GRM5: variants seen among roughly 807,000 people sequenced by gnomAD.
GRM5 encodes the protein metabotropic glutamate receptor 5.
Under a neutral mutation model 83.1 loss-of-function variants are expected in GRM5, and 19 were observed. That is an observed-to-expected ratio of 0.23 (90% confidence interval 0.16 to 0.34). The LOEUF (loss-of-function observed/expected upper bound fraction) is 0.34. GRM5 is among the 10% of genes least tolerant of loss of function. The pLI is 1.00. For missense variants in GRM5, 1,160 were observed against 1,588.3 expected (o/e 0.73, Z 4.58); for synonymous variants, 675 against 633.6 (o/e 1.07, Z -0.98).
At chr11:88,512,111 G>A (rs1239226809) in intron 9 of GRM5, 1 of 153,396 alleles carries the variant, frequency 6.5e-6, no homozygotes, top group Non-Finnish European at 1.5e-5. Flanking sequence ...AACAGTCTTT[G>A]GAATCACCTG....
chr11:88,555,359 G>A (rs532456643), intron 8 of GRM5, among the ~76,000 whole-genome samples: 1 of 152,216 alleles, frequency 6.6e-6, no homozygotes, highest in South Asian at 2.1e-4. Flanking sequence ...TAAAATAGTA[G>A]TACGCAAAAC....
At chr11:88,713,253 G>C (rs992220908) in intron 3 of GRM5, among the ~76,000 whole-genome samples, 2 of 152,036 alleles carry the variant, frequency 1.3e-5, no homozygotes, top group Non-Finnish European at 2.9e-5. Context: ...AAAATTTGCT[G>C]TTTCCTAGGG....
chr11:88,698,308 T>G (rs1940947919), intron 3 of GRM5, among the ~76,000 whole-genome samples: 1 of 152,196 alleles, frequency 6.6e-6, no homozygotes, highest in Admixed American at 6.6e-5. Context: ...TAACCTTCTT[T>G]TTATTCTTTA....
At chr11:88,849,629 T>G (rs919237555) in intron 3 of GRM5, among the ~76,000 whole-genome samples, 1 of 152,190 alleles carries the variant, frequency 6.6e-6, no homozygotes, top group Non-Finnish European at 1.5e-5. Context: ...TACTCAAGCA[T>G]ATAAAAATCC....
chr11:88,735,866 G>A (rs897033263), intron 3 of GRM5, among the ~76,000 whole-genome samples: 2 of 152,040 alleles, frequency 1.3e-5, no homozygotes, highest in African/African-American at 4.8e-5. Context: ...CCAAGATCAT[G>A]AAGTGGTGTA....
intron 3 of GRM5, among the ~76,000 whole-genome samples, chr11:88,775,086 G>A (rs1267729988): frequency 1.3e-5 from 2 of 152,052 alleles, no homozygotes; most frequent in Non-Finnish European, 2.9e-5. Flanking sequence ...TTTTTTGGTT[G>A]GTAGGCTATT....
chr11:88,842,293 GA>G (rs1455255157), intron 3 of GRM5, among the ~76,000 whole-genome samples: 1 of 152,038 alleles, frequency 6.6e-6, no homozygotes, highest in South Asian at 2.1e-4. Context: ...CCTATCAACT[GA>G]AAAAAATATG....
intron 9 of GRM5, among the ~76,000 whole-genome samples, chr11:88,515,654 A>T (rs2135087337): frequency 6.6e-6 from 1 of 152,348 alleles, no homozygotes; most frequent in South Asian, 2.1e-4. Flanking sequence ...CTGACATTTA[A>T]GTTCTAGGTC....
intron 7 of GRM5, among the ~76,000 whole-genome samples, chr11:88,575,994 G>A (rs753037030): frequency 3.9e-5 from 6 of 152,048 alleles, no homozygotes; most frequent in Non-Finnish European, 5.9e-5. Flanking sequence ...CATAAAGAAT[G>A]ATTTAATAGT....
At chr11:88,650,080 G>T (rs748624200) in intron 4 of GRM5, among the ~76,000 whole-genome samples, 1 of 150,982 alleles carries the variant, frequency 6.6e-6, no homozygotes, top group Non-Finnish European at 1.5e-5. Flanking sequence ...GGACTCAGTT[G>T]GTAATTTCTG....
At chr11:88,535,780 G>A (rs978625819) in intron 8 of GRM5, among the ~76,000 whole-genome samples, 2 of 152,122 alleles carry the variant, frequency 1.3e-5, no homozygotes, top group Admixed American at 1.3e-4. Context: ...ACACATGTGT[G>A]TGAGTGTATA....
At chr11:88,700,218 C>T (rs1940997148) in intron 3 of GRM5, among the ~76,000 whole-genome samples, 1 of 151,962 alleles carries the variant, frequency 6.6e-6, no homozygotes, top group Non-Finnish European at 1.5e-5. Flanking sequence ...TGGGAGTGGC[C>T]AGGGTATGAA....
At chr11:88,861,933 C>G (rs1392142836) in intron 2 of GRM5, among the ~76,000 whole-genome samples, 3 of 152,148 alleles carry the variant, frequency 2.0e-5, no homozygotes, top group Non-Finnish European at 4.4e-5. Flanking sequence ...TAATTACCCT[C>G]TTTATCTCAA....
chr11:88,614,505 T>C (rs563069289), intron 4 of GRM5, among the ~76,000 whole-genome samples: 1 of 152,130 alleles, frequency 6.6e-6, no homozygotes, highest in African/African-American at 2.4e-5. Flanking sequence ...AGTCACTATT[T>C]AGCTTTTTTT....
At chr11:89,058,364 T>C (rs1456629077) in intron 1 of GRM5, among the ~76,000 whole-genome samples, 3 of 152,190 alleles carry the variant, frequency 2.0e-5, no homozygotes, top group African/African-American at 7.2e-5. Context: ...TTCTGTTCAC[T>C]AGACGACAAT....
chr11:88,762,597 C>G (rs561489835), intron 3 of GRM5, among the ~76,000 whole-genome samples: 13 of 152,008 alleles, frequency 8.6e-5, no homozygotes, highest in African/African-American at 3.1e-4. Flanking sequence ...TAAACTAGTT[C>G]AACTATTGTG....
At position 88,553,105 on chromosome 11, in the gene GRM5, C is replaced by T. The variant is rs556634217; in HGVS notation, c.2630+13948G>A. On this transcript the variant is annotated intron_variant, in intron 8 of 9. Coordinates refer to ENST00000305447, the MANE Select transcript of GRM5 (RefSeq NM_001143831.3). ...CTCAAGTACCATCGGACATTTTAAA[C>T]ATTCTTTAGATTAAGACAAGTCCTG... Among the ~76,000 whole-genome samples, 5 of 152,276 alleles carry T rather than the reference C, an allele frequency of 3.3e-5. No homozygotes were observed. The East Asian group carries it at 7.7e-4, about 24-fold the overall frequency.
intron 2 of GRM5, among the ~76,000 whole-genome samples, chr11:88,942,911 G>T (rs1434460667): frequency 1.3e-5 from 2 of 151,974 alleles, no homozygotes; most frequent in Non-Finnish European, 2.9e-5. Context: ...ATACAAAGTA[G>T]AATGCCAGAC....
intron 3 of GRM5, among the ~76,000 whole-genome samples, chr11:88,682,134 T>C (rs1209213295): frequency 6.6e-6 from 1 of 152,196 alleles, no homozygotes; most frequent in Non-Finnish European, 1.5e-5. Context: ...CTCCAATAGA[T>C]AACTTATTTC....
Sources: gnomAD v4.1 joint callset for allele counts (sites outside exome capture counted in the v4.1 genomes callset) on GRCh38, gnomAD v4.1.1 for gene constraint, MANE v1.5 for transcripts, NCBI Gene and HGNC (gene_info 2026-07-23, HGNC 2026-07-21) for gene names.